GAP43: variants seen among roughly 807,000 people sequenced by gnomAD.
GAP43 encodes growth associated protein 43, also known as neuromodulin.
Under a neutral mutation model 18.6 loss-of-function variants are expected in GAP43, and 6 were observed. That is an observed-to-expected ratio of 0.32 (90% confidence interval 0.18 to 0.64). The LOEUF (loss-of-function observed/expected upper bound fraction) is 0.64. Among genes scored for constraint, GAP43 ranks in the 30% least tolerant of loss-of-function variants. GAP43 has a pLI of 0.78. For synonymous variants in GAP43, 115 were observed against 111.4 expected (o/e 1.03, Z -0.20); for missense variants, 292 against 295.5 (o/e 0.99, Z 0.09).
intron 1 of GAP43, among the ~76,000 whole-genome samples, chr3:115,675,006 C>T (rs1389983701): frequency 2.0e-5 from 3 of 152,130 alleles, no homozygotes; most frequent in Admixed American, 1.3e-4. Context: ...CCTGTAAACC[C>T]TCTATCTTTC....
chr3:115,720,715 T>C (rs1453871473), intron 2 of GAP43, 79 bp from the exon 3 acceptor site: 3 of 830,014 alleles, frequency 3.6e-6, no homozygotes, highest in Non-Finnish European at 5.9e-6. Flanking sequence ...AAGAAATGCA[T>C]TGCACTGTTG....
chr3:115,649,468 C>T (rs1708497477), intron 1 of GAP43, among the ~76,000 whole-genome samples: 1 of 151,816 alleles, frequency 6.6e-6, no homozygotes, highest in Non-Finnish European at 1.5e-5. Flanking sequence ...AGGGAGAAAC[C>T]TGTTTTAAAG....
chr3:115,673,037 G>A (rs958387214), intron 1 of GAP43, among the ~76,000 whole-genome samples: 8 of 151,938 alleles, frequency 5.3e-5, no homozygotes, highest in South Asian at 2.1e-4. Context: ...GGTTCTCCCC[G>A]TTTCTGCTCA....
chr3:115,652,391 A>T (rs1208317132), intron 1 of GAP43, among the ~76,000 whole-genome samples: 992 of 38,884 alleles, frequency 0.026, 35 homozygotes, highest in African/African-American at 0.08. Context: ...TTTTTGTGAT[A>T]GAGTCTTGCT....
intron 1 of GAP43, among the ~76,000 whole-genome samples, chr3:115,649,426 G>T (rs1029228977): frequency 6.6e-6 from 1 of 152,084 alleles, no homozygotes; most frequent in Non-Finnish European, 1.5e-5. Context: ...AGAGAAATGA[G>T]ATTGTAATAA....
chr3:115,635,568 C>T (rs1224585083), intron 1 of GAP43, among the ~76,000 whole-genome samples: 2 of 151,990 alleles, frequency 1.3e-5, no homozygotes, highest in African/African-American at 4.8e-5. Context: ...GGAATTGGGC[C>T]ATAACCTTCT....
intron 2 of GAP43, among the ~76,000 whole-genome samples, chr3:115,701,430 C>A (rs1183638416): frequency 6.6e-6 from 1 of 151,974 alleles, no homozygotes; most frequent in Non-Finnish European, 1.5e-5. Context: ...GGCTCACCAC[C>A]AAGTCAAATG....
intron 1 of GAP43, among the ~76,000 whole-genome samples, chr3:115,653,246 C>T (rs1708543233): frequency 6.6e-6 from 1 of 152,112 alleles, no homozygotes; most frequent in South Asian, 2.1e-4. Flanking sequence ...TCAAGACCAG[C>T]TTTGCCAACA....
At chr3:115,648,009 T>C (rs537849656) in intron 1 of GAP43, among the ~76,000 whole-genome samples, 1 of 152,118 alleles carries the variant, frequency 6.6e-6, no homozygotes, top group African/African-American at 2.4e-5. Context: ...TGAAGAAAAA[T>C]GGGTCATTTT....
intron 2 of GAP43, among the ~76,000 whole-genome samples, chr3:115,685,807 A>AT (rs966413506): frequency 6.6e-6 from 1 of 152,070 alleles, no homozygotes; most frequent in Non-Finnish European, 1.5e-5. Flanking sequence ...GCGGTGGAAG[A>AT]TTTTTTTTAT....
At chr3:115,657,087 G>C (rs1166763901) in intron 1 of GAP43, among the ~76,000 whole-genome samples, 1 of 152,182 alleles carries the variant, frequency 6.6e-6, no homozygotes, top group Admixed American at 6.5e-5. Context: ...GTGTCATAAT[G>C]AGAGTCTCAA....
chr3:115,641,170 A>G (rs1223801697), intron 1 of GAP43, among the ~76,000 whole-genome samples: 2 of 151,046 alleles, frequency 1.3e-5, no homozygotes, highest in Non-Finnish European at 3.0e-5. Flanking sequence ...TGGCCCTGAA[A>G]TGTTTTTTCC....
At chr3:115,662,955 G>A (rs1561380) in intron 1 of GAP43, among the ~76,000 whole-genome samples, 5,434 of 152,144 alleles carry the variant, frequency 0.036, 107 homozygotes, top group South Asian at 0.054. Flanking sequence ...TTCAAGAGTC[G>A]TAAAATTTGC....
chr3:115,625,674 G>C (rs909605902), intron 1 of GAP43, among the ~76,000 whole-genome samples: 4 of 152,098 alleles, frequency 2.6e-5, no homozygotes, highest in African/African-American at 9.7e-5. Flanking sequence ...AAAGGAATTA[G>C]GGCTAAAGGA....
At chr3:115,685,328 C>T (rs571681780) in intron 2 of GAP43, among the ~76,000 whole-genome samples, 1 of 152,314 alleles carries the variant, frequency 6.6e-6, no homozygotes, top group South Asian at 2.1e-4. Flanking sequence ...GTGGCCCTTG[C>T]TAGTGTGTGA....
chr3:115,647,760 A>AC (rs1553720745), intron 1 of GAP43, among the ~76,000 whole-genome samples: 3 of 101,612 alleles, frequency 3.0e-5, no homozygotes, highest in East Asian at 2.3e-4. Context: ...CAAAAAAACA[A>AC]AAAAAAAAAA....
chr3:115,650,123 C>T lies in GAP43; in HGVS notation c.31-25890C>T, dbSNP rs926793423. The stretch of plus-strand genomic sequence containing the variant: ...CTTGCAAACGTCCAGGAGTGAGTGC[C>T]TTGTTGGAGGTGGATCCATCTTGAA... On this transcript the variant is annotated intron_variant, in intron 1 of 2. Coordinates refer to ENST00000305124, the MANE Select transcript of GAP43 (RefSeq NM_002045.4). 2.6e-5 allele frequency among the ~76,000 whole-genome samples: 4 copies of T among 152,084 alleles called. No individual in the cohort carries two copies. The East Asian group carries it at 5.8e-4, about 22-fold the overall frequency.
At position 115,676,316 on chromosome 3, in the gene GAP43, A is replaced by G. The variant is rs1368974710; in HGVS notation, c.334A>G (p.Lys112Glu). 1 of 1,614,030 alleles carries G rather than the reference A, an allele frequency of 6.2e-7. No homozygotes were observed. ...AGCAGGAGAAACTCCTTCCGAGGAGAAGAAGGGGGAGGGTGATGCTGCCAC... is the reference window on the plus strand; with the variant it reads ...AGCAGGAGAAACTCCTTCCGAGGAGGAGAAGGGGGAGGGTGATGCTGCCAC... ...GKAGETPSEE[K>E]KGEGDAATEQ... is the part of the protein sequence containing the mutation. Residue 112 changes from lysine to glutamate, a missense_variant, in exon 2 of 3, where the codon AAG becomes GAG. Lys to Glu is a moderately conservative substitution (Grantham distance 56, BLOSUM62 1). Coordinates refer to ENST00000305124, the MANE Select transcript of GAP43 (RefSeq NM_002045.4).
intron 1 of GAP43, among the ~76,000 whole-genome samples, chr3:115,634,405 T>G (rs1708303533): frequency 6.6e-6 from 1 of 152,056 alleles, no homozygotes; most frequent in African/African-American, 2.4e-5. Flanking sequence ...AACAGCTGTT[T>G]CCAAGGGATT....
Sources: allele counts gnomAD v4.1 joint callset (sites outside exome capture counted in the v4.1 genomes callset), GRCh38; gene constraint gnomAD v4.1.1; transcripts MANE v1.5; gene names NCBI Gene and HGNC (gene_info 2026-07-23, HGNC 2026-07-21).